ROBO1: variants seen among roughly 807,000 people sequenced by gnomAD.
ROBO1 encodes roundabout homolog 1.
A neutral mutation model predicts 195.9 loss-of-function variants in ROBO1; 149 were observed. That is an observed-to-expected ratio of 0.76 (90% CI 0.67 to 0.87). The LOEUF is 0.87. Among genes scored for constraint, ROBO1 ranks in the 40% least tolerant of loss-of-function variants. The probability of loss-of-function intolerance (pLI) is 0.00; values close to 1 mark genes in which losing one functional copy is unlikely to be tolerated. For missense variants in ROBO1, 1,933 were observed against 2,068.3 expected (o/e 0.93, Z 1.27); for synonymous variants, 816 against 733.2 (o/e 1.11, Z -1.82).
intron 2 of ROBO1, among the ~76,000 whole-genome samples, chr3:79,339,346 T>C (rs1403270391): frequency 6.6e-6 from 1 of 152,178 alleles, no homozygotes; most frequent in Non-Finnish European, 1.5e-5. Flanking sequence ...ATCTTCCTCA[T>C]CCCTCTTACT....
chr3:78,996,311 ATC>A lies in ROBO1; in HGVS notation c.173-57386_173-57385del, dbSNP rs1576534456. Among the ~76,000 whole-genome samples, 4 of 134,840 alleles carry A rather than the reference ATC, an allele frequency of 3.0e-5. No individual in the cohort carries two copies. The East Asian group carries it at 9.0e-4, about 30-fold the overall frequency. The allele number at this position is 134,840 out of a possible 152,430, so 88.5% of individuals were successfully genotyped here. ...AACCCTGGCCAACACACTGAAACCC[ATC>A]TCTATTAAAAAAACAAAAAAAAAAA... On this transcript the variant is annotated intron_variant, in intron 3 of 30. Coordinates refer to ENST00000464233, the MANE Select transcript of ROBO1 (RefSeq NM_002941.4).
intron 2 of ROBO1, among the ~76,000 whole-genome samples, chr3:79,479,240 C>T (rs1379818655): frequency 2.0e-5 from 3 of 152,128 alleles, no homozygotes; most frequent in Non-Finnish European, 4.4e-5. Context: ...ATGATTTTTT[C>T]CACGGATGGG....
intron 4 of ROBO1, among the ~76,000 whole-genome samples, chr3:78,814,312 TTTTA>T (rs1387611721): frequency 1.3e-5 from 2 of 152,084 alleles, no homozygotes; most frequent in Non-Finnish European, 2.9e-5. Context: ...ATTTTATATA[TTTTA>T]TTTAACTCAA....
intron 1 of ROBO1, among the ~76,000 whole-genome samples, chr3:79,644,164 C>A (rs1026554706): frequency 6.6e-6 from 1 of 151,716 alleles, no homozygotes; most frequent in Non-Finnish European, 1.5e-5. Context: ...AATAAGAATT[C>A]TATATATATA....
chr3:78,731,476 C>G (rs2082285553), intron 5 of ROBO1, among the ~76,000 whole-genome samples: 1 of 152,046 alleles, frequency 6.6e-6, no homozygotes, highest in South Asian at 2.1e-4. Flanking sequence ...TCCTGCCTTT[C>G]TTCTGCATAG....
chr3:79,109,059 A>G (rs916151005), intron 3 of ROBO1, among the ~76,000 whole-genome samples: 5 of 151,690 alleles, frequency 3.3e-5, no homozygotes, highest in African/African-American at 1.2e-4. Context: ...TTGTTTGTGG[A>G]CTGTATCTTT....
intron 14 of ROBO1, among the ~76,000 whole-genome samples, chr3:78,664,307 G>C (rs138121032): frequency 1.1e-4 from 16 of 152,124 alleles, no homozygotes; most frequent in Admixed American, 1.0e-3. Context: ...CCTCAGAGGG[G>C]AGCCTATCCA....
intron 1 of ROBO1, among the ~76,000 whole-genome samples, chr3:79,666,514 G>A (rs1200738609): frequency 2.0e-5 from 3 of 151,904 alleles, no homozygotes; most frequent in Admixed American, 6.6e-5. Flanking sequence ...GAGGGACCCA[G>A]TGGAGATGAT....
intron 2 of ROBO1, among the ~76,000 whole-genome samples, chr3:79,264,610 A>G: frequency 6.6e-6 from 1 of 152,052 alleles, no homozygotes; most frequent in East Asian, 1.9e-4. Flanking sequence ...CTTACTAAAT[A>G]TATGTTGAAA....
At chr3:79,516,793 A>G (rs1350097862) in intron 2 of ROBO1, among the ~76,000 whole-genome samples, 1 of 152,226 alleles carries the variant, frequency 6.6e-6, no homozygotes, top group African/African-American at 2.4e-5. Context: ...AATATATATT[A>G]ATTCACATGT....
chr3:78,773,727 T>C (rs1003005742), intron 4 of ROBO1, among the ~76,000 whole-genome samples: 2 of 152,242 alleles, frequency 1.3e-5, no homozygotes, highest in African/African-American at 4.8e-5. Flanking sequence ...TCCTTTTTCA[T>C]TGATTCCATC....
intron 2 of ROBO1, among the ~76,000 whole-genome samples, chr3:79,211,780 C>T (rs2081969324): frequency 6.6e-6 from 1 of 152,062 alleles, no homozygotes; most frequent in Admixed American, 6.6e-5. Context: ...TGACTGATTG[C>T]CGAGACCAGC....
chr3:79,083,096 C>A (rs2079304639), intron 3 of ROBO1, among the ~76,000 whole-genome samples: 1 of 152,046 alleles, frequency 6.6e-6, no homozygotes, highest in Non-Finnish European at 1.5e-5. Context: ...AGTCGGGAGG[C>A]TGAGGTGAGA....
intron 4 of ROBO1, among the ~76,000 whole-genome samples, chr3:78,822,093 TACACACAC>T (rs113114251): frequency 1.2e-3 from 170 of 146,954 alleles, no homozygotes; most frequent in African/African-American, 4.1e-3. Flanking sequence ...CACATATACA[TACACACAC>T]ACACACACAC....
intron 2 of ROBO1, 142 bp downstream of exon 2, chr3:79,589,681 AT>A (rs1943934853): frequency 4.7e-6 from 3 of 633,834 alleles, no homozygotes; most frequent in Admixed American, 2.8e-5. Flanking sequence ...ATCAGCACTC[AT>A]ACTCAAGAAG....
At chr3:79,609,329 G>A (rs749468898) in intron 1 of ROBO1, among the ~76,000 whole-genome samples, 6 of 151,808 alleles carry the variant, frequency 4.0e-5, no homozygotes, top group Admixed American at 6.6e-5. Context: ...TATTAGGATG[G>A]CAATTATCAA....
intron 4 of ROBO1, among the ~76,000 whole-genome samples, chr3:78,775,127 C>T (rs1490416608): frequency 2.0e-5 from 3 of 152,116 alleles, no homozygotes; most frequent in African/African-American, 7.2e-5. Context: ...TCAGTTTGTA[C>T]CCATGACAAA....
chr3:78,659,123 G>A (rs560388868), intron 17 of ROBO1, among the ~76,000 whole-genome samples: 1 of 152,216 alleles, frequency 6.6e-6, no homozygotes, highest in African/African-American at 2.4e-5. Context: ...TCACTCCTCA[G>A]TATTGAGACA....
chr3:78,735,367 A>G (rs2082370471), intron 5 of ROBO1, among the ~76,000 whole-genome samples: 1 of 152,282 alleles, frequency 6.6e-6, no homozygotes, highest in Non-Finnish European at 1.5e-5. Flanking sequence ...TCAACAATTG[A>G]CCAGACTTGA....
Sources: gnomAD v4.1 joint callset for allele counts (sites outside exome capture counted in the v4.1 genomes callset) on GRCh38, gnomAD v4.1.1 for gene constraint, MANE v1.5 for transcripts, NCBI Gene and HGNC (gene_info 2026-07-23, HGNC 2026-07-21) for gene names.